TELO2: variants seen among roughly 807,000 people sequenced by gnomAD.
The protein encoded by TELO2 is telomere maintenance 2.
A neutral mutation model predicts 91.0 loss-of-function variants in TELO2; 71 were observed. The observed-to-expected ratio is 0.78, with a 90% CI of 0.64 to 0.95. The LOEUF (loss-of-function observed/expected upper bound fraction) is 0.95, where lower values mean the gene tolerates loss of function less well. Among genes scored for constraint, TELO2 ranks in the 40% least tolerant of loss-of-function variants. The pLI is 0.00. For synonymous variants in TELO2, 584 were observed against 518.9 expected (o/e 1.13, Z -1.71); for missense variants, 1,183 against 1,141.3 (o/e 1.04, Z -0.53).
At chr16:1,500,302 G>C (rs1346344758) in intron 7 of TELO2, 45 bp from the exon 8 acceptor site, 1 of 1,543,364 alleles carries the variant, frequency 6.5e-7, no homozygotes, top group African/African-American at 1.4e-5. Flanking sequence ...GGCGGGGACA[G>C]ACTGGCCCCG....
chr16:1,503,103 C>T (rs2039765754), intron 15 of TELO2, 101 bp downstream of exon 15: 12 of 1,331,940 alleles, frequency 9.0e-6, no homozygotes, highest in East Asian at 4.6e-5. Context: ...CCCAAGGGCT[C>T]GTGCAGGCCT....
rs2039416994 is a variant in TELO2 at position 1,494,732 on chromosome 16, G to A, written c.335+116G>A. 3.5e-6 allele frequency: 4 copies of A among 1,144,426 alleles called. No homozygotes were observed. The highest frequency in any genetic ancestry group is 5.2e-5 in the East Asian group (2 of 38,706). The allele number at this position is 1,144,426 out of a possible 1,614,324, so 70.9% of individuals were successfully genotyped here. A position where few individuals can be genotyped will look rare whatever the true frequency, so the allele number is the denominator to read the frequency against. On this transcript the variant is annotated intron_variant, in intron 2 of 20. Transcript: ENST00000262319. The surrounding 1 kb of genome is among the most constrained non-coding windows in gnomAD (Gnocchi z 5.6). Reference sequence around the variant, plus strand: ...CTGTGAGGGGCTAGAGAGAGAGCCTGCTCCTGGCTGAACCCCTGAACAGAA... The same window carrying A: ...CTGTGAGGGGCTAGAGAGAGAGCCTACTCCTGGCTGAACCCCTGAACAGAA...
At chr16:1,508,696 C>G (rs939052502) in intron 20 of TELO2, among the ~76,000 whole-genome samples, 4 of 152,198 alleles carry the variant, frequency 2.6e-5, no homozygotes, top group Admixed American at 2.0e-4. Flanking sequence ...CCCACCTGGG[C>G]GCAGTGCCAG....
intron 9 of TELO2, 42 bp downstream of exon 9, chr16:1,500,741 G>T (rs761112712): frequency 2.1e-5 from 33 of 1,601,034 alleles, no homozygotes; most frequent in Non-Finnish European, 2.7e-5. Context: ...TGGCTGGCCC[G>T]GGTCTCCCGA....
rs377187738 is a variant in TELO2, at chr16:1,497,439, G to A, written c.761G>A (p.Arg254His). ...TACCTGCACCAGCGCGTCTGCTGGCGCCTGGTGGAGCAAGTGCCGGACCGG... is the reference window on the plus strand; with the variant it reads ...TACCTGCACCAGCGCGTCTGCTGGCACCTGGTGGAGCAAGTGCCGGACCGG... ...GSYLHQRVCWRLVEQVPDRAM... is the reference protein window; with the variant it reads ...GSYLHQRVCWHLVEQVPDRAM... Residue 254 changes from arginine to histidine, a missense_variant, in exon 5 of 21, where the codon CGC (arginine) becomes CAC (histidine). Transcript: ENST00000262319. This position sits in a 1 kb window ranked among gnomAD's most constrained non-coding sequence, Gnocchi z 4.0. 1.5e-5 allele frequency: 23 copies of A among 1,565,148 alleles called. No individual in the cohort carries two copies. Among genetic ancestry groups the A allele is most frequent in the East Asian group, 4.8e-5 (2 of 41,860 alleles).
At chr16:1,500,047 G>C (rs200315660) in intron 6 of TELO2, 49 bp from the exon 7 acceptor site, 12 of 1,575,840 alleles carry the variant, frequency 7.6e-6, no homozygotes, top group Non-Finnish European at 1.0e-5. Flanking sequence ...CCCCGGGCTG[G>C]CCAGGCGGCG....
intron 20 of TELO2, among the ~76,000 whole-genome samples, 172 bp downstream of exon 20, chr16:1,507,888 G>A (rs931575771): frequency 8.3e-6 from 1 of 120,888 alleles, no homozygotes; most frequent in Non-Finnish European, 1.7e-5. Context: ...GTGTGTGTGT[G>A]TGTGTGATGT....
intron 6 of TELO2, 41 bp from the exon 7 acceptor site, chr16:1,500,055 G>T: frequency 6.3e-7 from 1 of 1,583,448 alleles, no homozygotes. Context: ...TGGCCAGGCG[G>T]CGGCCTCAGC....
chr16:1,503,868 A>G (rs1172383950), intron 15 of TELO2, among the ~76,000 whole-genome samples: 1 of 152,130 alleles, frequency 6.6e-6, no homozygotes, highest in African/African-American at 2.4e-5. Flanking sequence ...GCGGCGGCTC[A>G]TGCCTGTCAT....
At chr16:1,506,546 G>A (rs771428536) in intron 17 of TELO2, 37 of 1,427,258 alleles carry the variant, frequency 2.6e-5, no homozygotes, top group Non-Finnish European at 3.3e-5. Flanking sequence ...CATCTGCTCC[G>A]ATGCTGGGCT....
intron 6 of TELO2, 140 bp downstream of exon 6, chr16:1,499,473 C>T (rs961339452): frequency 3.3e-5 from 28 of 844,402 alleles, no homozygotes; most frequent in Middle Eastern, 5.3e-4. Context: ...GTTGGCGAGG[C>T]GGTGGGTGCC....
Position 1,499,238 on chromosome 16 carries a change from G to A in TELO2, c.838G>A (p.Val280Ile). ...GLVEAALGPE[V>I]LSRLLGNLVV... ...CCTGACTCTGTCTTGCAGGCCTGAGGTCCTTTCGAGACTGCTGGGGAACCT... is the reference window on the plus strand; with the variant it reads ...CCTGACTCTGTCTTGCAGGCCTGAGATCCTTTCGAGACTGCTGGGGAACCT... The change falls in exon 6 of 21, where the codon GTC becomes ATC. Residue 280 changes from valine to isoleucine, a missense_variant. Physicochemically the swap from Val to Ile is conservative, Grantham distance 29 (BLOSUM62 3). Coordinates refer to ENST00000262319, the MANE Select transcript of TELO2 (RefSeq NM_016111.4). The A allele has an allele frequency of 6.2e-7, 1 of 1,614,002 alleles. No individual in the cohort carries two copies. The highest frequency in any genetic ancestry group is 8.5e-7 in the Non-Finnish European group (1 of 1,179,996).
chr16:1,507,179 G>T, intron 18 of TELO2, 127 bp from the exon 19 acceptor site: 1 of 1,489,658 alleles, frequency 6.7e-7, no homozygotes, highest in Admixed American at 1.9e-5. Context: ...CCGGGCAGCG[G>T]GAGCATCCCC....
intron 17 of TELO2, 199 bp downstream of exon 17, chr16:1,506,528 G>T: frequency 6.9e-7 from 1 of 1,440,634 alleles, no homozygotes; most frequent in African/African-American, 1.4e-5. Flanking sequence ...TTGCCATGAG[G>T]CACCAGGCAT....
chr16:1,507,082 C>G (rs376010103), intron 18 of TELO2, 31 bp downstream of exon 18: 62 of 1,574,332 alleles, frequency 3.9e-5, no homozygotes, highest in Admixed American at 3.3e-4. Context: ...GGGCGCCGGC[C>G]TGTGCTAACC....
chr16:1,507,089 A>T (rs11248882), intron 18 of TELO2, 38 bp downstream of exon 18: 1 of 1,563,764 alleles, frequency 6.4e-7, no homozygotes, highest in South Asian at 1.2e-5. Context: ...GGCCTGTGCT[A>T]ACCATGGATC....
chr16:1,503,942 G>A (rs1042278674), intron 15 of TELO2, among the ~76,000 whole-genome samples: 3 of 151,904 alleles, frequency 2.0e-5, no homozygotes, highest in Admixed American at 2.0e-4. Flanking sequence ...GATCAACCTG[G>A]TCAACATAGC....
intron 2 of TELO2, among the ~76,000 whole-genome samples, chr16:1,495,020 G>A (rs189852544): frequency 2.0e-4 from 31 of 152,284 alleles, no homozygotes; most frequent in Admixed American, 1.7e-3. Context: ...AGTCCTTGCC[G>A]GGACACTGCA....
At chr16:1,501,317 G>C in intron 9 of TELO2, 103 bp from the exon 10 acceptor site, 1 of 1,252,770 alleles carries the variant, frequency 8.0e-7, no homozygotes, top group Non-Finnish European at 1.1e-6. Flanking sequence ...GAGTGAGACC[G>C]GGCTGCGAGG....
Sources: allele counts gnomAD v4.1 joint callset (sites outside exome capture counted in the v4.1 genomes callset), GRCh38; gene constraint gnomAD v4.1.1; non-coding constraint Gnocchi (gnomAD v3.1); transcripts MANE v1.5; gene names NCBI Gene and HGNC (gene_info 2026-07-23, HGNC 2026-07-21).